The following RBM27 variants were observed in gnomAD, a reference collection of about 807,000 sequenced individuals.
RBM27 encodes RNA binding motif protein 27, also known as RNA-binding protein 27.
Under a neutral mutation model 135.3 loss-of-function variants are expected in RBM27, and 22 were observed. That is an observed-to-expected ratio of 0.16 (90% CI 0.12 to 0.23). The LOEUF (loss-of-function observed/expected upper bound fraction) is 0.23. RBM27 is among the 10% of genes least tolerant of loss of function. RBM27 has a pLI of 1.00. For missense variants in RBM27, 1,009 were observed against 1,281.0 expected, an observed-to-expected ratio of 0.79 and a Z score of 3.24; for synonymous variants, 481 against 442.4, an observed-to-expected ratio of 1.09 and a Z score of -1.10.
chr5:146,244,784 C>T (rs1330215829), intron 8 of RBM27, among the ~76,000 whole-genome samples: 2 of 151,876 alleles, frequency 1.3e-5, no homozygotes, highest in African/African-American at 4.8e-5. Context: ...TGAGCTCTTC[C>T]CTGAACCTTA....
chr5:146,212,197 A>G (rs958098694), intron 1 of RBM27, among the ~76,000 whole-genome samples: 5 of 152,024 alleles, frequency 3.3e-5, no homozygotes, highest in African/African-American at 7.2e-5. Flanking sequence ...CTGGGATTAC[A>G]GGCACGCGCC....
chr5:146,241,084 G>A (rs909885735), intron 8 of RBM27, among the ~76,000 whole-genome samples: 11 of 152,062 alleles, frequency 7.2e-5, no homozygotes, highest in African/African-American at 2.7e-4. Flanking sequence ...CTATTCCAGA[G>A]TGTGTTGCAG....
chr5:146,264,517 A>G (rs1306941815), intron 14 of RBM27, among the ~76,000 whole-genome samples: 2 of 152,176 alleles, frequency 1.3e-5, no homozygotes, highest in African/African-American at 4.8e-5. Flanking sequence ...AATTTCTTTA[A>G]TTTCATCTTT....
intron 18 of RBM27, among the ~76,000 whole-genome samples, 195 bp from the exon 19 acceptor site, chr5:146,271,287 CT>C (rs1479754474): frequency 6.6e-6 from 1 of 151,800 alleles, no homozygotes; most frequent in Non-Finnish European, 1.5e-5. Flanking sequence ...GTAATCCCAG[CT>C]GCTTGGGAGG....
At position 146,230,840 on chromosome 5, in the gene RBM27, A is replaced by G. The variant is rs759393799; in HGVS notation, c.773A>G (p.Asn258Ser). ...HSENTTESWS[N>S]YYNNHSSSNS... The stretch of plus-strand genomic sequence containing the variant: ...GAAAACACAACTGAGAGTTGGTCTA[A>G]TTACTATAACAATCATAGCTCTTCC... The change falls in exon 6 of 21, where the codon AAT becomes AGT. Residue 258 changes from asparagine (N) to serine (S), a missense_variant. Asn to Ser is a conservative substitution (Grantham distance 46, BLOSUM62 1). Around this residue, in one of 6 missense-constraint regions of RBM27, gnomAD observed 268 missense variants for 326.6 expected, o/e 0.82. Coordinates refer to ENST00000265271, the MANE Select transcript of RBM27 (RefSeq NM_018989.2). 6.2e-7 allele frequency: 1 copy of G among 1,614,100 alleles called. No individual in the cohort carries two copies. Among genetic ancestry groups the G allele is most frequent in the Admixed American group, 1.7e-5 (1 of 60,010 alleles).
At chr5:146,228,278 C>CTTTTTTTT (rs201464624) in intron 3 of RBM27, among the ~76,000 whole-genome samples, 1 of 116,860 alleles carries the variant, frequency 8.6e-6, no homozygotes, top group Non-Finnish European at 1.8e-5. Flanking sequence ...AGGGACCATT[C>CTTTTTTTT]TTTCTTTTTT....
rs10058583 is a variant in RBM27 at position 146,222,585 on chromosome 5, G to C, written c.179-818G>C. 8.5e-3 allele frequency among the ~76,000 whole-genome samples: 1,293 copies of C among 152,316 alleles called. 23 individuals carry two copies. The highest frequency in any genetic ancestry group is 0.03 in the African/African-American group (1,236 of 41,558). ...TGTAATCCCACCTACTCAGGAGGCC[G>C]AGGCAGGAGAATCACTTGAACCCAG... On this transcript the variant is annotated intron_variant, in intron 2 of 20. Transcript: ENST00000265271.
intron 7 of RBM27, among the ~76,000 whole-genome samples, chr5:146,234,597 A>G (rs1757081793): frequency 6.6e-6 from 1 of 152,248 alleles, no homozygotes; most frequent in Non-Finnish European, 1.5e-5. Flanking sequence ...TCATTTAAAA[A>G]GCATTATTAA....
At chr5:146,218,071 T>C (rs1193830717) in intron 1 of RBM27, among the ~76,000 whole-genome samples, 1 of 152,192 alleles carries the variant, frequency 6.6e-6, no homozygotes, top group African/African-American at 2.4e-5. Context: ...ATGTTTTCAT[T>C]TTACCTTCAT....
At chr5:146,275,538 A>T (rs911442696) in intron 19 of RBM27, among the ~76,000 whole-genome samples, 5 of 152,168 alleles carry the variant, frequency 3.3e-5, no homozygotes, top group African/African-American at 9.7e-5. Flanking sequence ...AAGTGCTAGG[A>T]TTATAGGCAT....
intron 12 of RBM27, 128 bp from the exon 13 acceptor site, chr5:146,261,382 C>G: frequency 1.3e-6 from 1 of 782,848 alleles, no homozygotes; most frequent in Non-Finnish European, 2.1e-6. Flanking sequence ...ATCTCTAAAA[C>G]AGTAATGTTG....
chr5:146,233,310 G>C (rs1266588017), intron 6 of RBM27, 140 bp from the exon 7 acceptor site: 1 of 1,343,492 alleles, frequency 7.4e-7, no homozygotes, highest in Non-Finnish European at 9.8e-7. Context: ...ATGCTTAACA[G>C]AGTAACACTG....
intron 20 of RBM27, 57 bp from the exon 21 acceptor site, chr5:146,285,890 A>G: frequency 1.5e-6 from 2 of 1,377,376 alleles, no homozygotes; most frequent in Non-Finnish European, 2.1e-6. Context: ...TGGCCTAAAA[A>G]GTATTTTACT....
chr5:146,255,588 C>G (rs59682999), intron 10 of RBM27, among the ~76,000 whole-genome samples: 9,878 of 152,136 alleles, frequency 0.065, 1,111 homozygotes, highest in African/African-American at 0.23. Context: ...TAGGAATAAA[C>G]CTTAAAAATG....
chr5:146,273,548 A>G (rs1758960067), intron 19 of RBM27, among the ~76,000 whole-genome samples: 1 of 152,126 alleles, frequency 6.6e-6, no homozygotes, highest in Non-Finnish European at 1.5e-5. Context: ...GGTATTGAGT[A>G]CTAGGAGCAC....
At chr5:146,232,469 C>A (rs1756980330) in intron 6 of RBM27, among the ~76,000 whole-genome samples, 1 of 152,146 alleles carries the variant, frequency 6.6e-6, no homozygotes, top group African/African-American at 2.4e-5. Context: ...ACTCATACTT[C>A]TGCATAATGT....
At chr5:146,228,735 G>C (rs907449696) in intron 3 of RBM27, among the ~76,000 whole-genome samples, 2 of 152,030 alleles carry the variant, frequency 1.3e-5, no homozygotes, top group East Asian at 3.9e-4. Flanking sequence ...TGAGTAGCTG[G>C]GACTACATAC....
At chr5:146,249,999 C>G (rs1335009038) in intron 8 of RBM27, among the ~76,000 whole-genome samples, 1 of 152,128 alleles carries the variant, frequency 6.6e-6, no homozygotes, top group Non-Finnish European at 1.5e-5. Flanking sequence ...TCCTCTTTTG[C>G]TTCTTATATA....
intron 9 of RBM27, among the ~76,000 whole-genome samples, chr5:146,254,721 A>G (rs1758035298): frequency 6.6e-6 from 1 of 152,188 alleles, no homozygotes; most frequent in South Asian, 2.1e-4. Flanking sequence ...ATATGCAAAT[A>G]CCACCACCCT....
Sources: gnomAD v4.1 joint callset for allele counts (sites outside exome capture counted in the v4.1 genomes callset) on GRCh38, gnomAD v4.1.1 for gene constraint, gnomAD v4.1.1 regional missense constraint, MANE v1.5 for transcripts, NCBI Gene and HGNC (gene_info 2026-07-23, HGNC 2026-07-21) for gene names.